ENPP1: variants seen among roughly 807,000 people sequenced by gnomAD.
The protein encoded by ENPP1 is ectonucleotide pyrophosphatase/phosphodiesterase 1, also known as ectonucleotide pyrophosphatase/phosphodiesterase family member 1.
ENPP1 carries 73 observed loss-of-function variants against 122.8 expected under a neutral mutation model. The ratio of observed to expected loss-of-function variants is 0.59; its 90% CI spans 0.49 to 0.72. The LOEUF (loss-of-function observed/expected upper bound fraction) is 0.72, where lower values mean the gene tolerates loss of function less well. ENPP1 is among the 30% of genes least tolerant of loss of function. The pLI is 0.00. For synonymous variants in ENPP1, 367 were observed against 391.6 expected, an observed-to-expected ratio of 0.94 and a Z score of 0.74; for missense variants, 978 against 1,128.1, an observed-to-expected ratio of 0.87 and a Z score of 1.91.
intron 15 of ENPP1, 23 bp from the exon 16 acceptor site, chr6:131,874,245 T>C: frequency 7.4e-7 from 1 of 1,349,834 alleles, no homozygotes; most frequent in African/African-American, 1.4e-5. Flanking sequence ...TTTACATTTT[T>C]AATTCATATA....
rs748292010 is a variant in ENPP1 at position 131,882,435 on chromosome 6, A to G, written c.2191A>G (p.Asn731Asp). 3.1e-6 allele frequency: 5 copies of G among 1,610,224 alleles called. No homozygotes were observed. Among genetic ancestry groups the G allele is most frequent in the Admixed American group, 1.7e-5 (1 of 59,922 alleles). The change falls in exon 21 of 25, where the codon AAT becomes GAT. Residue 731 changes from asparagine to aspartate, a missense_variant. This residue lies in a region of ENPP1 where 644 missense variants were observed against 781.5 expected (regional missense o/e 0.82). Transcript: ENST00000647893. Reference sequence around the variant, plus strand: ...TGTCCATAAATGTTCATTTTATAAAAATAACACCAAAGTGAGTTACGGGTT... The same window carrying G: ...TGTCCATAAATGTTCATTTTATAAAGATAACACCAAAGTGAGTTACGGGTT... ...SPVHKCSFYK[N>D]NTKVSYGFLS... is the part of the protein sequence containing the mutation.
intron 21 of ENPP1, 137 bp downstream of exon 21, chr6:131,882,611 A>T (rs1196495316): frequency 5.6e-6 from 1 of 180,122 alleles, no homozygotes; most frequent in Non-Finnish European, 1.1e-5. Flanking sequence ...TTATATATAT[A>T]TTATATATAT....
intron 1 of ENPP1, among the ~76,000 whole-genome samples, chr6:131,816,017 G>T (rs1157626756): frequency 1.3e-5 from 2 of 148,810 alleles, no homozygotes; most frequent in African/African-American, 5.1e-5. Flanking sequence ...CACCACGCCC[G>T]GCTGTATCAG....
chr6:131,842,393 A>T (rs953321299), intron 1 of ENPP1, among the ~76,000 whole-genome samples: 4 of 152,062 alleles, frequency 2.6e-5, no homozygotes, highest in African/African-American at 9.7e-5. Flanking sequence ...TAACTATGTC[A>T]TATCTTTATC....
intron 1 of ENPP1, among the ~76,000 whole-genome samples, chr6:131,817,311 T>A (rs1277137917): frequency 6.6e-6 from 1 of 152,200 alleles, no homozygotes; most frequent in African/African-American, 2.4e-5. Flanking sequence ...AGTATAACAA[T>A]GTGTAATTAG....
At chr6:131,816,169 A>C (rs1034147845) in intron 1 of ENPP1, among the ~76,000 whole-genome samples, 1 of 152,214 alleles carries the variant, frequency 6.6e-6, no homozygotes, top group African/African-American at 2.4e-5. Flanking sequence ...GATACAGCAA[A>C]TGTATTTCAT....
In ENPP1 at chr6:131,884,763, C is replaced by T. The variant is rs118168234; in HGVS notation, c.2312-168C>T. ...GCACTCCAGCCTGGGTGATATAGCACGACTCTGTCTCTAAACAAAAAACAA... is the reference window on the plus strand; with the variant it reads ...GCACTCCAGCCTGGGTGATATAGCATGACTCTGTCTCTAAACAAAAAACAA... On this transcript the variant is annotated intron_variant, in intron 22 of 24. Coordinates refer to ENST00000647893, the MANE Select transcript of ENPP1 (RefSeq NM_006208.3). 4.1e-4 allele frequency among the ~76,000 whole-genome samples: 62 copies of T among 152,236 alleles called. No individual in the cohort carries two copies. The East Asian group carries it at 8.1e-3, about 20-fold the overall frequency.
intron 1 of ENPP1, among the ~76,000 whole-genome samples, chr6:131,843,660 T>TC: frequency 1.3e-5 from 1 of 79,110 alleles, no homozygotes; most frequent in South Asian, 3.1e-4. Context: ...GCATGTCGTC[T>TC]TTTTTTTTTT....
intron 24 of ENPP1, among the ~76,000 whole-genome samples, chr6:131,888,151 T>A (rs1782413361): frequency 6.6e-6 from 1 of 152,014 alleles, no homozygotes; most frequent in Non-Finnish European, 1.5e-5. Context: ...CATGAGCCAC[T>A]GTGCCCGGCC....
chr6:131,840,678 CT>C (rs1241855625), intron 1 of ENPP1, among the ~76,000 whole-genome samples: 3 of 152,186 alleles, frequency 2.0e-5, no homozygotes, highest in Non-Finnish European at 4.4e-5. Context: ...TTCACAGCTG[CT>C]GGTTGTCTAG....
chr6:131,840,378 A>G (rs1346270664), intron 1 of ENPP1, among the ~76,000 whole-genome samples: 1 of 152,240 alleles, frequency 6.6e-6, no homozygotes, highest in African/African-American at 2.4e-5. Flanking sequence ...ATGTTAATGC[A>G]CTGGTTTATG....
intron 20 of ENPP1, 108 bp downstream of exon 20, chr6:131,880,142 G>T (rs140291115): frequency 9.0e-7 from 1 of 1,116,420 alleles, no homozygotes; most frequent in Non-Finnish European, 1.4e-6. Flanking sequence ...CTCAGTTCCC[G>T]CATTAGAGGA....
intron 1 of ENPP1, among the ~76,000 whole-genome samples, chr6:131,842,878 G>A (rs971309419): frequency 2.0e-5 from 3 of 152,126 alleles, no homozygotes; most frequent in Admixed American, 6.6e-5. Context: ...GAGGGAATTG[G>A]TGAGGGAAAA....
Position 131,894,815 on chromosome 6 carries a change from A to G in ENPP1, c.*4304A>G, listed in dbSNP as rs1585852378. On this transcript the variant is annotated 3_prime_UTR_variant, in exon 25 of 25. Transcript: ENST00000647893. ...ACAAGATGGGCATGGAACAGGGACC[A>G]CCCCCTCCTCTGGGAGAAGCTGTTA... is the stretch of plus-strand genomic sequence containing the variant. 6.6e-6 allele frequency: 1 copy of G among 151,882 alleles called. No homozygotes were observed. 9.4% of individuals were successfully genotyped at this position (151,882 alleles called of 1,614,324 possible). A position where few individuals can be genotyped will look rare whatever the true frequency, so the allele number is the denominator to read the frequency against.
chr6:131,853,095 A>C (rs1483948070), intron 5 of ENPP1, among the ~76,000 whole-genome samples: 8 of 152,102 alleles, frequency 5.3e-5, no homozygotes. Context: ...GTTTTCCCAG[A>C]CTATTAAAAT....
intron 1 of ENPP1, among the ~76,000 whole-genome samples, chr6:131,812,022 G>C (rs999649037): frequency 3.3e-5 from 5 of 152,124 alleles, no homozygotes; most frequent in African/African-American, 1.2e-4. Flanking sequence ...ACAATTCAGG[G>C]ATTGGATTGA....
intron 5 of ENPP1, among the ~76,000 whole-genome samples, chr6:131,854,085 T>G (rs1257045192): frequency 6.6e-6 from 1 of 152,166 alleles, no homozygotes; most frequent in Non-Finnish European, 1.5e-5. Context: ...ATTTATATCT[T>G]TTAAATATAT....
intron 24 of ENPP1, among the ~76,000 whole-genome samples, chr6:131,887,431 C>T (rs1485535023): frequency 2.6e-5 from 4 of 151,060 alleles, no homozygotes; most frequent in Non-Finnish European, 5.9e-5. Flanking sequence ...CTCACTTTGG[C>T]TCCCAGGCTG....
rs985285692 is a variant in ENPP1 at position 131,854,913 on chromosome 6, T to C, written c.618-13T>C. On this transcript the variant is annotated splice_polypyrimidine_tract_variant and intron_variant, in intron 5 of 24. Coordinates refer to ENST00000647893, the MANE Select transcript of ENPP1 (RefSeq NM_006208.3). Reference sequence around the variant, plus strand: ...GCTTCTTTAAACATTTTTTTTTCTTTTTCATTACCCAGGTTTGAAACGCCT... The same window carrying C: ...GCTTCTTTAAACATTTTTTTTTCTTCTTCATTACCCAGGTTTGAAACGCCT... 5.0e-6 allele frequency: 8 copies of C among 1,597,322 alleles called. No homozygotes were observed. Among genetic ancestry groups the C allele is most frequent in the Non-Finnish European group, 6.9e-6 (8 of 1,165,030 alleles).
Sources: allele counts gnomAD v4.1 joint callset (sites outside exome capture counted in the v4.1 genomes callset), GRCh38; gene constraint gnomAD v4.1.1; regional missense constraint gnomAD v4.1.1; transcripts MANE v1.5; gene names NCBI Gene and HGNC (gene_info 2026-07-23, HGNC 2026-07-21).